POLR1C: variants seen among roughly 807,000 people sequenced by gnomAD.
The protein encoded by POLR1C is DNA-directed RNA polymerases I and III subunit RPAC1.
In POLR1C, 42 loss-of-function variants were observed where a neutral mutation model predicts 38.3. That is an observed-to-expected ratio of 1.10 (90% CI 0.86 to 1.42). The LOEUF (loss-of-function observed/expected upper bound fraction) is 1.42. Among genes scored for constraint, POLR1C ranks in the 40% most tolerant of loss-of-function variants. POLR1C has a pLI of 0.00. For missense variants in POLR1C, 507 were observed against 450.5 expected, an observed-to-expected ratio of 1.13 and a Z score of -1.14; for synonymous variants, 163 against 163.9, an observed-to-expected ratio of 0.99 and a Z score of 0.04.
intron 9 of POLR1C, among the ~76,000 whole-genome samples, chr6:43,536,877 G>A (rs974263073): frequency 2.7e-5 from 4 of 150,394 alleles, no homozygotes; most frequent in Non-Finnish European, 4.4e-5. Context: ...TTTCTAACAC[G>A]GTGAAACAGA....
At chr6:43,521,663 A>C (rs548189829), downstream of POLR1C, 1 of 343,744 alleles carries the variant, frequency 2.9e-6, no homozygotes, top group Admixed American at 4.4e-5. Context: ...CTGATGCTAC[A>C]GGCATGCACC....
chr6:43,560,353 C>A (rs1561882555), intron 10 of POLR1C: 1 of 1,536,014 alleles, frequency 6.5e-7, no homozygotes, highest in East Asian at 2.3e-5. Flanking sequence ...TTCTATATAA[C>A]CCAGATTATT....
At chr6:43,518,068 T>G (rs113016688) in intron 2 of POLR1C, among the ~76,000 whole-genome samples, 1 of 152,060 alleles carries the variant, frequency 6.6e-6, no homozygotes, top group Non-Finnish European at 1.5e-5. Context: ...TCCGGGCATG[T>G]CCAAGTAGTT....
At chr6:43,525,943 T>C, downstream of POLR1C, 1 of 1,612,584 alleles carries the variant, frequency 6.2e-7, no homozygotes, top group Non-Finnish European at 8.5e-7. Flanking sequence ...GAGTAGAATG[T>C]TAAGCTCCAT....
chr6:43,521,579 C>G (rs867908129), downstream of POLR1C: 49 of 751,164 alleles, frequency 6.5e-5, no homozygotes, highest in African/African-American at 7.7e-4. Flanking sequence ...GGCTGGAGTG[C>G]AGTGGTGCAA....
At chr6:43,552,065 A>AT (rs1795253501) in intron 10 of POLR1C, among the ~76,000 whole-genome samples, 1 of 152,168 alleles carries the variant, frequency 6.6e-6, no homozygotes, top group South Asian at 2.1e-4. Context: ...AATGTTTTTC[A>AT]TATTTATCAG....
At chr6:43,540,615 T>TGCATGCCAGC (rs2127720227) in intron 9 of POLR1C, among the ~76,000 whole-genome samples, 1 of 152,302 alleles carries the variant, frequency 6.6e-6, no homozygotes, top group African/African-American at 2.4e-5. Flanking sequence ...ATCATGCCTT[T>TGCATGCCAGC]GCATGCCAGC....
At chr6:43,545,555 A>C (rs1279069572) in intron 9 of POLR1C, among the ~76,000 whole-genome samples, 1 of 151,988 alleles carries the variant, frequency 6.6e-6, no homozygotes, top group Admixed American at 6.6e-5. Flanking sequence ...AAAAATACAA[A>C]AATTAGCCAG....
intron 2 of POLR1C, among the ~76,000 whole-genome samples, chr6:43,518,423 C>T (rs190824844): frequency 1.3e-5 from 2 of 152,092 alleles, no homozygotes; most frequent in Non-Finnish European, 2.9e-5. Flanking sequence ...GTCTGGGGAA[C>T]GGGAATGATG....
rs1793066226 is a variant in POLR1C at position 43,520,162 on chromosome 6, A to G, written c.479A>G (p.Asn160Ser). The change falls in exon 5 of 9, where the codon AAC (asparagine) becomes AGC (serine). Residue 160 changes from asparagine (N) to serine (S), a missense_variant. Physicochemically the swap from Asn to Ser is conservative, Grantham distance 46. Transcript: ENST00000642195. ...GCTGCTAAAGATTCCTCTGACCCCA[A>G]CGAACTGTACGTGAACCACAAAGGT... ...PHAAKDSSDP[N>S]ELYVNHKVYT... is the part of the protein sequence containing the mutation. 1.2e-6 allele frequency: 2 copies of G among 1,614,090 alleles called. No individual in the cohort carries two copies. Among genetic ancestry groups the G allele is most frequent in the Non-Finnish European group, 1.7e-6 (2 of 1,180,052 alleles).
In POLR1C at chr6:43,521,303, T is replaced by C. The variant is rs112057763; in HGVS notation, c.*3T>C. ...TAGATGCGGTTCAGATGGACTGAGCTTGGATGCTTCTGAGGCAAGCTGAAG... is the reference window on the plus strand; with the variant it reads ...TAGATGCGGTTCAGATGGACTGAGCCTGGATGCTTCTGAGGCAAGCTGAAG... On this transcript the variant is annotated 3_prime_UTR_variant, in exon 9 of 9. Coordinates refer to ENST00000642195, the MANE Select transcript of POLR1C (RefSeq NM_203290.4). 9 of 1,612,174 alleles carry C rather than the reference T, an allele frequency of 5.6e-6. No individual in the cohort carries two copies. In the African/African-American group the frequency reaches 1.1e-4, roughly 19 times the overall value.
chr6:43,554,423 T>C (rs987895875), intron 10 of POLR1C, among the ~76,000 whole-genome samples: 14 of 131,932 alleles, frequency 1.1e-4, no homozygotes, highest in African/African-American at 3.6e-4. Flanking sequence ...TTTTCTTTTC[T>C]TTTTTTTTTT....
exon 11 of POLR1C, chr6:43,562,170 C>A: frequency 8.7e-7 from 1 of 1,150,630 alleles, no homozygotes; most frequent in Non-Finnish European, 1.3e-6. Flanking sequence ...CATTTGCAAC[C>A]CCTCATTGAA....
At chr6:43,523,689 T>C (rs753409228), downstream of POLR1C, 10 of 948,038 alleles carry the variant, frequency 1.1e-5, no homozygotes, top group Admixed American at 6.8e-5. Context: ...CTTGATACTT[T>C]AGTATAATTA....
intron 10 of POLR1C, chr6:43,560,358 A>T: frequency 6.7e-7 from 1 of 1,502,964 alleles, no homozygotes; most frequent in Non-Finnish European, 8.9e-7. Flanking sequence ...TATAACCCAG[A>T]TTATTACTTA....
downstream of POLR1C, chr6:43,523,706 G>T (rs1793347074): frequency 3.7e-6 from 4 of 1,090,776 alleles, no homozygotes; most frequent in African/African-American, 4.6e-5. Context: ...ATTACTTCTG[G>T]TCCTGCACAG....
downstream of POLR1C, chr6:43,525,097 A>G: frequency 6.4e-7 from 1 of 1,570,534 alleles, no homozygotes; most frequent in Non-Finnish European, 8.6e-7. Flanking sequence ...AAAGGGGTGA[A>G]TAACCATACT....
chr6:43,550,043 GCTTTAGC>G (rs1449205269), intron 9 of POLR1C: 1 of 1,170,996 alleles, frequency 8.5e-7, no homozygotes, highest in Admixed American at 2.0e-5. Flanking sequence ...TGATTCTCCT[GCTTTAGC>G]CTTCTGAGTA....
chr6:43,552,176 G>T (rs1795258902), intron 10 of POLR1C, among the ~76,000 whole-genome samples: 1 of 152,132 alleles, frequency 6.6e-6, no homozygotes, highest in African/African-American at 2.4e-5. Flanking sequence ...TCCTGCCTCA[G>T]CCTCCTGAGT....
Sources: gnomAD v4.1 joint callset for allele counts (sites outside exome capture counted in the v4.1 genomes callset) on GRCh38, gnomAD v4.1.1 for gene constraint, MANE v1.5 for transcripts, NCBI Gene and HGNC (gene_info 2026-07-23, HGNC 2026-07-21) for gene names.